Variants in KIF4A observed in about 807,000 individuals in gnomAD.
The protein encoded by KIF4A is kinesin family member 4A.
KIF4A carries 7 observed loss-of-function variants against 105.9 expected under a neutral mutation model. The observed-to-expected ratio is 0.07, with a 90% CI of 0.04 to 0.12. The LOEUF (loss-of-function observed/expected upper bound fraction) is 0.12. Ranked by LOEUF, KIF4A falls within the 10% of genes least tolerant of loss-of-function variation. KIF4A has a pLI of 1.00. For synonymous variants in KIF4A, 281 were observed against 331.3 expected, an observed-to-expected ratio of 0.85 and a Z score of 1.65; for missense variants, 558 against 929.2, an observed-to-expected ratio of 0.60 and a Z score of 5.19.
At chrX:70,375,076 A>T in intron 16 of KIF4A, 128 bp from the exon 17 acceptor site, 1 of 723,941 alleles carries the variant, frequency 1.4e-6, no homozygotes. Context: ...TTCTTTTTTT[A>T]AGATGGCTAT....
At chrX:70,364,141 C>G (rs2086090323) in intron 15 of KIF4A, among the ~76,000 whole-genome samples, 2 of 111,675 alleles carry the variant, frequency 1.8e-5, no homozygotes, top group Admixed American at 9.5e-5. Context: ...TGGATATTAG[C>G]CCTTTGTCAG....
intron 7 of KIF4A, among the ~76,000 whole-genome samples, chrX:70,321,452 C>A (rs954919585): frequency 8.9e-6 from 1 of 111,924 alleles, no homozygotes; most frequent in Non-Finnish European, 1.9e-5. Context: ...TTTCTAGCTT[C>A]ATCTCCCACC....
At chrX:70,377,555 G>C (rs749987273) in intron 18 of KIF4A, among the ~76,000 whole-genome samples, 8 of 112,436 alleles carry the variant, frequency 7.1e-5, no homozygotes, top group African/African-American at 2.3e-4. Context: ...ACCAACAACA[G>C]CAGGATATAC....
intron 15 of KIF4A, among the ~76,000 whole-genome samples, chrX:70,359,479 G>A (rs188257713): frequency 4.8e-4 from 50 of 104,038 alleles, no homozygotes; most frequent in African/African-American, 1.6e-3. Context: ...TTCTTTAACC[G>A]GAGAGGGGTA....
chrX:70,410,434 A>G (rs2147741420), intron 28 of KIF4A, among the ~76,000 whole-genome samples: 1 of 111,927 alleles, frequency 8.9e-6, no homozygotes, highest in African/African-American at 3.2e-5. Flanking sequence ...AGCCAGATAG[A>G]CATGGGTCTT....
At chrX:70,391,657 T>C (rs2086237901) in intron 20 of KIF4A, among the ~76,000 whole-genome samples, 1 of 111,150 alleles carries the variant, frequency 9.0e-6, no homozygotes, top group Non-Finnish European at 1.9e-5. Context: ...TGTGCAGGTT[T>C]GTTTTTACAT....
intron 20 of KIF4A, among the ~76,000 whole-genome samples, chrX:70,393,809 C>G (rs1391997062): frequency 5.7e-4 from 2 of 3,516 alleles, no homozygotes; most frequent in Non-Finnish European, 3.0e-3. Flanking sequence ...CTCTTTCTTT[C>G]TTTCTTTCTT....
At position 70,402,558 on chromosome X, in the gene KIF4A, C is replaced by T. The variant is rs2086286149; in HGVS notation, c.2490-8C>T. ...TTGCAATAAGGCTTACTGTTTCTTTCCCTGAAGGAGTGCTCAGATTGCTGA... is the reference window on the plus strand; with the variant it reads ...TTGCAATAAGGCTTACTGTTTCTTTTCCTGAAGGAGTGCTCAGATTGCTGA... On this transcript the variant is annotated splice_polypyrimidine_tract_variant and splice_region_variant and intron_variant, in intron 22 of 30. Coordinates refer to ENST00000374403, the MANE Select transcript of KIF4A (RefSeq NM_012310.5). The T allele has an allele frequency of 1.2e-5, 14 of 1,210,891 alleles. No homozygotes were observed. The highest frequency in any genetic ancestry group is 1.5e-5 in the Non-Finnish European group (13 of 894,938).
chrX:70,334,533 A>G (rs1602753279), intron 10 of KIF4A, among the ~76,000 whole-genome samples: 4 of 112,173 alleles, frequency 3.6e-5, no homozygotes, highest in Non-Finnish European at 7.5e-5. Flanking sequence ...CTATACACAT[A>G]AAGTAGTTTC....
chrX:70,316,566 A>ACATATTATG (rs1439437859), intron 7 of KIF4A, among the ~76,000 whole-genome samples: 1 of 111,656 alleles, frequency 9.0e-6, no homozygotes, highest in Admixed American at 9.6e-5. Flanking sequence ...TATTGCATAT[A>ACATATTATG]CATATATGTG....
chrX:70,370,840 G>A (rs2086128485), intron 15 of KIF4A, among the ~76,000 whole-genome samples: 1 of 104,308 alleles, frequency 9.6e-6, no homozygotes, highest in South Asian at 4.4e-4. Flanking sequence ...GGAGACTGGG[G>A]CACAAGAATC....
intron 15 of KIF4A, among the ~76,000 whole-genome samples, chrX:70,359,053 T>C (rs2086063337): frequency 8.9e-6 from 1 of 112,187 alleles, no homozygotes; most frequent in Non-Finnish European, 1.9e-5. Flanking sequence ...GGCATGCTTC[T>C]TCTTGATGTT....
At position 70,386,712 on chromosome X, in the gene KIF4A, T is replaced by C. The variant is rs748520092; in HGVS notation, c.2118+11T>C. On this transcript the variant is annotated intron_variant, in intron 19 of 30. Coordinates refer to ENST00000374403, the MANE Select transcript of KIF4A (RefSeq NM_012310.5). Reference sequence around the variant, plus strand: ...CGTAAAACGGAGGAGGTAAGAAAATTCAATCTGCTAGGTCAAGTGTATTGT... The same window carrying C: ...CGTAAAACGGAGGAGGTAAGAAAATCCAATCTGCTAGGTCAAGTGTATTGT... 8.8e-7 allele frequency: 1 copy of C among 1,133,988 alleles called. No homozygotes were observed. The highest frequency in any genetic ancestry group is 1.2e-6 in the Non-Finnish European group (1 of 824,900). The allele number at this position is 1,133,988 out of a possible 1,213,427, so 93.5% of individuals were successfully genotyped here. A position where few individuals can be genotyped will look rare whatever the true frequency, so the allele number is the denominator to read the frequency against.
At chrX:70,404,070 A>G in intron 24 of KIF4A, 36 bp downstream of exon 24, 1 of 1,181,988 alleles carries the variant, frequency 8.5e-7, no homozygotes, top group Non-Finnish European at 1.2e-6. Flanking sequence ...ATACTGTGAA[A>G]CTATCATTGC....
intron 13 of KIF4A, among the ~76,000 whole-genome samples, chrX:70,349,495 C>T (rs372787504): frequency 5.7e-4 from 51 of 88,858 alleles, no homozygotes; most frequent in African/African-American, 1.6e-3. Context: ...TCTTCCCAGA[C>T]GGGGCGGCTG....
chrX:70,299,724 A>G (rs2085797650), intron 5 of KIF4A, among the ~76,000 whole-genome samples: 1 of 111,515 alleles, frequency 9.0e-6, no homozygotes, highest in Non-Finnish European at 1.9e-5. Context: ...TCTATATCCA[A>G]TAGAAAATTC....
intron 7 of KIF4A, among the ~76,000 whole-genome samples, chrX:70,313,894 G>A (rs1355055263): frequency 8.9e-6 from 1 of 112,366 alleles, no homozygotes; most frequent in Admixed American, 9.4e-5. Context: ...TGTAAAATAG[G>A]ATTTGAATAT....
intron 15 of KIF4A, among the ~76,000 whole-genome samples, chrX:70,357,271 G>A (rs1050844184): frequency 1.1e-4 from 12 of 111,689 alleles, no homozygotes; most frequent in Non-Finnish European, 1.1e-4. Flanking sequence ...CCGAGATCAC[G>A]CCACTGCACT....
intron 7 of KIF4A, among the ~76,000 whole-genome samples, chrX:70,324,679 CTAG>C (rs1293715365): frequency 1.8e-5 from 2 of 109,636 alleles, no homozygotes; most frequent in African/African-American, 6.6e-5. Flanking sequence ...ATTATGCATT[CTAG>C]TAAATAAAAT....
Sources: gnomAD v4.1 joint callset for allele counts (sites outside exome capture counted in the v4.1 genomes callset) on GRCh38, gnomAD v4.1.1 for gene constraint, MANE v1.5 for transcripts, NCBI Gene and HGNC (gene_info 2026-07-23, HGNC 2026-07-21) for gene names.